Variants in CMIP observed in about 807,000 individuals in gnomAD.
The protein encoded by CMIP is c-Maf inducing protein.
Under a neutral mutation model 97.3 loss-of-function variants are expected in CMIP, and 13 were observed. The ratio of observed to expected loss-of-function variants is 0.13; its 90% CI spans 0.09 to 0.21. The LOEUF is 0.21. CMIP is among the 10% of genes least tolerant of loss of function. The pLI, the probability that CMIP is intolerant of heterozygous loss-of-function variation, is 1.00. For synonymous variants in CMIP, 538 were observed against 436.3 expected (o/e 1.23, Z -2.91); for missense variants, 847 against 1,024.9 (o/e 0.83, Z 2.37).
chr16:81,625,098 A>T (rs1223116705), intron 3 of CMIP, among the ~76,000 whole-genome samples: 1 of 152,124 alleles, frequency 6.6e-6, no homozygotes, highest in Non-Finnish European at 1.5e-5. Context: ...GGCAAGCGGG[A>T]TTAGACCCTG....
chr16:81,457,380 G>GAAAA lies in CMIP; in HGVS notation c.300+11843_300+11846dup, dbSNP rs537002770. ...GACGACAATCTTACAAAATCAAGAA[G>GAAAA]AAAAAAATCCTCCCAGAATCCCACC... On this transcript the variant is annotated intron_variant, in intron 1 of 20. Transcript: ENST00000537098. Among the ~76,000 whole-genome samples, 207 of 152,166 alleles carry GAAAA rather than the reference G, an allele frequency of 1.4e-3. 2 individuals are homozygous for GAAAA. Among genetic ancestry groups the GAAAA allele is most frequent in the Middle Eastern group, 3.4e-3 (1 of 294 alleles).
intron 1 of CMIP, among the ~76,000 whole-genome samples, chr16:81,535,686 C>T (rs999648738): frequency 6.6e-6 from 1 of 152,072 alleles, no homozygotes; most frequent in Non-Finnish European, 1.5e-5. Flanking sequence ...TCATTTGAAG[C>T]ATCAGTCAGT....
At chr16:81,609,096 A>C (rs1012848352) in intron 2 of CMIP, among the ~76,000 whole-genome samples, 3 of 152,148 alleles carry the variant, frequency 2.0e-5, no homozygotes, top group Non-Finnish European at 4.4e-5. Context: ...CGCCTGCCCC[A>C]GTCTGCTTTC....
chr16:81,480,560 A>T (rs1268264446), intron 1 of CMIP, among the ~76,000 whole-genome samples: 1 of 151,828 alleles, frequency 6.6e-6, no homozygotes, highest in Non-Finnish European at 1.5e-5. Flanking sequence ...TAAAATCTCC[A>T]CCTGAGTCCA....
At position 81,473,811 on chromosome 16, in the gene CMIP, GTTTTT is replaced by G. The variant is rs5818337; in HGVS notation, c.300+28286_300+28290del. ...CGTGTTTTACTTGGCCCACACAGTGGTTTTTTTTTTTTTTTTTTTTCTTAAAGCTT... is the reference window on the plus strand; with the variant it reads ...CGTGTTTTACTTGGCCCACACAGTGGTTTTTTTTTTTTTTTCTTAAAGCTT... On this transcript the variant is annotated intron_variant, in intron 1 of 20. Coordinates refer to ENST00000537098, the MANE Select transcript of CMIP (RefSeq NM_198390.3). Among the ~76,000 whole-genome samples the G allele has an allele frequency of 2.4e-5, 3 of 127,100 alleles. No homozygotes were observed. In the South Asian group the frequency reaches 7.5e-4, roughly 32 times the overall value. The allele number at this position is 127,100 out of a possible 152,430, so 83.4% of individuals were successfully genotyped here. A position where few individuals can be genotyped will look rare whatever the true frequency, so the allele number is the denominator to read the frequency against.
chr16:81,663,204 G>A (rs949974870), intron 6 of CMIP, among the ~76,000 whole-genome samples: 1 of 151,910 alleles, frequency 6.6e-6, no homozygotes, highest in Non-Finnish European at 1.5e-5. Context: ...TACAGCAGCT[G>A]TATTCATGAC....
At chr16:81,472,489 G>C (rs1907618945) in intron 1 of CMIP, among the ~76,000 whole-genome samples, 1 of 152,168 alleles carries the variant, frequency 6.6e-6, no homozygotes, top group Non-Finnish European at 1.5e-5. Context: ...GGGTCTTGTA[G>C]GCACTGATCA....
chr16:81,695,082 G>T (rs1213989121), intron 13 of CMIP, among the ~76,000 whole-genome samples: 2 of 152,202 alleles, frequency 1.3e-5, no homozygotes, highest in Admixed American at 1.3e-4. Flanking sequence ...AGGGCCAGCT[G>T]CTGGGAGGGT....
At chr16:81,501,031 A>T (rs1483005591) in intron 1 of CMIP, among the ~76,000 whole-genome samples, 1 of 152,228 alleles carries the variant, frequency 6.6e-6, no homozygotes, top group Admixed American at 6.5e-5. Context: ...TATCCTTTGG[A>T]AAATAAGCAA....
intron 1 of CMIP, among the ~76,000 whole-genome samples, chr16:81,528,249 T>C (rs1180548831): frequency 1.3e-5 from 2 of 152,314 alleles, no homozygotes; most frequent in East Asian, 3.9e-4. Context: ...ATGGTTGAAA[T>C]TGGCGCTTGT....
At chr16:81,600,691 C>G (rs1014127199) in intron 1 of CMIP, among the ~76,000 whole-genome samples, 1 of 152,198 alleles carries the variant, frequency 6.6e-6, no homozygotes, top group South Asian at 2.1e-4. Flanking sequence ...GGAATGGACT[C>G]AATGCCCGTG....
intron 1 of CMIP, among the ~76,000 whole-genome samples, chr16:81,461,782 A>T (rs1320163271): frequency 6.6e-6 from 1 of 152,216 alleles, no homozygotes; most frequent in African/African-American, 2.4e-5. Context: ...TGTTGCTTGT[A>T]ACTCTGGGTA....
chr16:81,478,499 C>T (rs1046614045), intron 1 of CMIP, among the ~76,000 whole-genome samples: 4 of 152,112 alleles, frequency 2.6e-5, no homozygotes, highest in Admixed American at 1.3e-4. Flanking sequence ...GGGAGGCCAC[C>T]GAGTGCGTTC....
chr16:81,601,702 G>A (rs958810363), intron 1 of CMIP, among the ~76,000 whole-genome samples: 1 of 152,120 alleles, frequency 6.6e-6, no homozygotes, highest in Non-Finnish European at 1.5e-5. Flanking sequence ...CAAAGGCAGA[G>A]TTCACCGACC....
At chr16:81,656,967 A>C (rs2092490001) in intron 4 of CMIP, among the ~76,000 whole-genome samples, 1 of 152,136 alleles carries the variant, frequency 6.6e-6, no homozygotes, top group Non-Finnish European at 1.5e-5. Flanking sequence ...ACTCAAAGGA[A>C]ACGTTCATTG....
At chr16:81,588,195 C>T (rs144858856) in intron 1 of CMIP, among the ~76,000 whole-genome samples, 8 of 152,284 alleles carry the variant, frequency 5.3e-5, no homozygotes, top group East Asian at 1.9e-4. Flanking sequence ...TTTGTTTGGC[C>T]GTCTCGGAGC....
intron 1 of CMIP, among the ~76,000 whole-genome samples, chr16:81,535,534 C>G (rs1226964770): frequency 2.0e-5 from 3 of 149,920 alleles, no homozygotes; most frequent in African/African-American, 7.4e-5. Flanking sequence ...TCAGAAAAAG[C>G]TGCATGAAGC....
intron 1 of CMIP, among the ~76,000 whole-genome samples, chr16:81,527,921 T>C (rs1425091263): frequency 6.6e-6 from 1 of 152,254 alleles, no homozygotes; most frequent in Non-Finnish European, 1.5e-5. Context: ...AATGTGTGCA[T>C]GAAATTCTGT....
At chr16:81,693,030 A>G (rs1346272730) in intron 11 of CMIP, 128 bp from the exon 12 acceptor site, 3 of 700,086 alleles carry the variant, frequency 4.3e-6, no homozygotes, top group Non-Finnish European at 7.5e-6. Context: ...TTGGCATTTC[A>G]CTCACATTCC....
Sources: gnomAD v4.1 joint callset for allele counts (sites outside exome capture counted in the v4.1 genomes callset) on GRCh38, gnomAD v4.1.1 for gene constraint, MANE v1.5 for transcripts, NCBI Gene and HGNC (gene_info 2026-07-23, HGNC 2026-07-21) for gene names.